RASSF5: variants seen among roughly 807,000 people sequenced by gnomAD.
RASSF5 encodes the protein ras association domain-containing protein 5.
RASSF5 carries 25 observed loss-of-function variants against 40.5 expected under a neutral mutation model. The observed-to-expected ratio is 0.62, with a 90% confidence interval of 0.45 to 0.86. The LOEUF is 0.86. Ranked by LOEUF, RASSF5 falls within the 40% of genes least tolerant of loss-of-function variation. The pLI is 0.00. For missense variants in RASSF5, 521 were observed against 572.8 expected, an observed-to-expected ratio of 0.91 and a Z score of 0.92; for synonymous variants, 246 against 252.4, an observed-to-expected ratio of 0.97 and a Z score of 0.24.
At chr1:206,561,290 T>G (rs1187996810) in intron 2 of RASSF5, among the ~76,000 whole-genome samples, 1 of 152,228 alleles carries the variant, frequency 6.6e-6, no homozygotes, top group Non-Finnish European at 1.5e-5. Flanking sequence ...TCAAGTTCTC[T>G]TCTTCTTGGT....
intron 2 of RASSF5, chr1:206,572,577 G>A (rs1038362890): frequency 1.7e-4 from 26 of 152,296 alleles, no homozygotes; most frequent in African/African-American, 6.0e-4. Flanking sequence ...AGCACACTGG[G>A]ACAGTCAGTC....
At chr1:206,566,204 C>A (rs1668285621) in intron 2 of RASSF5, among the ~76,000 whole-genome samples, 1 of 152,146 alleles carries the variant, frequency 6.6e-6, no homozygotes, top group African/African-American at 2.4e-5. Flanking sequence ...TTGTCCAGCT[C>A]TAAAGCACAT....
At chr1:206,565,952 C>T (rs535220107) in intron 2 of RASSF5, among the ~76,000 whole-genome samples, 22 of 152,270 alleles carry the variant, frequency 1.4e-4, no homozygotes, top group African/African-American at 5.3e-4. Flanking sequence ...CTGCACATAA[C>T]CCATGACAGG....
chr1:206,566,274 G>A (rs1176383801), intron 2 of RASSF5, among the ~76,000 whole-genome samples: 1 of 152,118 alleles, frequency 6.6e-6, no homozygotes, highest in African/African-American at 2.4e-5. Context: ...CTCCAAATAA[G>A]CTCCAGTCAC....
intron 2 of RASSF5, among the ~76,000 whole-genome samples, chr1:206,580,504 G>GGCCA (rs1553406070): frequency 6.6e-6 from 1 of 152,170 alleles, no homozygotes; most frequent in East Asian, 1.9e-4. Flanking sequence ...ATAGGGGTAG[G>GGCCA]GCCAGGGTCA....
intron 1 of RASSF5, among the ~76,000 whole-genome samples, chr1:206,533,567 G>A (rs1360469998): frequency 6.6e-6 from 1 of 151,992 alleles, no homozygotes; most frequent in Non-Finnish European, 1.5e-5. Context: ...ACCAGCCTGG[G>A]CAACATAGAG....
intron 1 of RASSF5, among the ~76,000 whole-genome samples, chr1:206,516,631 G>T (rs1176853456): frequency 6.6e-6 from 1 of 152,042 alleles, no homozygotes; most frequent in Non-Finnish European, 1.5e-5. Context: ...TAATTTTTTT[G>T]TATTTTTAGT....
At chr1:206,546,092 T>TA in intron 2 of RASSF5, among the ~76,000 whole-genome samples, 1 of 7,556 alleles carries the variant, frequency 1.3e-4, no homozygotes, top group Non-Finnish European at 2.6e-4. Flanking sequence ...TTTTTCTATT[T>TA]TTTTTTTTTT....
At chr1:206,508,191 A>G in intron 1 of RASSF5, 132 bp downstream of exon 1, 1 of 665,308 alleles carries the variant, frequency 1.5e-6, no homozygotes, top group Non-Finnish European at 2.3e-6. Flanking sequence ...ACATAAGGAG[A>G]TAACAACCCC....
chr1:206,522,345 G>T (rs951620986), intron 1 of RASSF5, among the ~76,000 whole-genome samples: 3 of 152,206 alleles, frequency 2.0e-5, no homozygotes, highest in Non-Finnish European at 4.4e-5. Flanking sequence ...GTGTATCTCT[G>T]AGTACATGTG....
intron 5 of RASSF5, 164 bp from the exon 6 acceptor site, chr1:206,586,662 T>C (rs946598339): frequency 3.1e-6 from 2 of 637,482 alleles, no homozygotes; most frequent in African/African-American, 3.6e-5. Flanking sequence ...ATGACAGGCA[T>C]GCAAAGCCCA....
chr1:206,509,893 G>A lies in RASSF5; in HGVS notation c.457+1834G>A, dbSNP rs72752998. ...TAGTGGCAGGAAGATCTAGGCCCCC[G>A]GGCAGTACCTCTGACTTTGTGTGTG... On this transcript the variant is annotated intron_variant, in intron 1 of 5. Transcript: ENST00000579436. 3.7e-3 allele frequency among the ~76,000 whole-genome samples: 560 copies of A among 152,108 alleles called. 1 individual carries two copies. Among genetic ancestry groups the A allele is most frequent in the Middle Eastern group, 6.8e-3 (2 of 294 alleles).
chr1:206,518,484 T>C (rs889004085), intron 1 of RASSF5: 7 of 398,480 alleles, frequency 1.8e-5, no homozygotes, highest in Non-Finnish European at 2.7e-5. Context: ...GAAGAGCCGC[T>C]CGGTCTCCAA....
intron 2 of RASSF5, among the ~76,000 whole-genome samples, chr1:206,541,493 C>T (rs1416451969): frequency 2.6e-5 from 4 of 152,168 alleles, no homozygotes; most frequent in Non-Finnish European, 5.9e-5. Context: ...CGGAAACAGG[C>T]ATCAGAAACC....
At chr1:206,521,370 G>A (rs568435975) in intron 1 of RASSF5, among the ~76,000 whole-genome samples, 1 of 152,320 alleles carries the variant, frequency 6.6e-6, no homozygotes, top group Admixed American at 6.5e-5. Context: ...AGCTGCAAGT[G>A]ACATCAAAGC....
intron 1 of RASSF5, among the ~76,000 whole-genome samples, chr1:206,530,813 T>C (rs774452230): frequency 7.9e-5 from 12 of 152,084 alleles, no homozygotes; most frequent in Admixed American, 7.2e-4. Flanking sequence ...CCCTTGCTCA[T>C]AGGGGAGCCA....
At chr1:206,571,117 T>A (rs970286882) in intron 2 of RASSF5, among the ~76,000 whole-genome samples, 1 of 152,214 alleles carries the variant, frequency 6.6e-6, no homozygotes, top group Non-Finnish European at 1.5e-5. Flanking sequence ...TTATTGTTTT[T>A]ATTAATAAGC....
At chr1:206,534,706 CT>C (rs1667335084) in intron 1 of RASSF5, among the ~76,000 whole-genome samples, 1 of 152,186 alleles carries the variant, frequency 6.6e-6, no homozygotes, top group African/African-American at 2.4e-5. Context: ...TGTTAGTTAT[CT>C]TTTCACATGT....
intron 1 of RASSF5, among the ~76,000 whole-genome samples, chr1:206,508,616 T>A (rs1184338097): frequency 6.6e-6 from 1 of 152,136 alleles, no homozygotes; most frequent in Non-Finnish European, 1.5e-5. Flanking sequence ...AGGCAGGCTG[T>A]GAGGCTGAAG....
Sources: allele counts gnomAD v4.1 joint callset (sites outside exome capture counted in the v4.1 genomes callset), GRCh38; gene constraint gnomAD v4.1.1; transcripts MANE v1.5; gene names NCBI Gene and HGNC (gene_info 2026-07-23, HGNC 2026-07-21).